Variants in SLC24A2 observed in about 807,000 individuals in gnomAD.
SLC24A2 encodes the protein solute carrier family 24 member 2.
SLC24A2 carries 36 observed loss-of-function variants against 62.0 expected under a neutral mutation model. The observed-to-expected ratio is 0.58, with a 90% CI of 0.44 to 0.77. The LOEUF is 0.77. Among genes scored for constraint, SLC24A2 ranks in the 30% least tolerant of loss-of-function variants. SLC24A2 has a pLI of 0.00. For missense variants in SLC24A2, 846 were observed against 817.9 expected (o/e 1.03, Z -0.42); for synonymous variants, 358 against 294.0 (o/e 1.22, Z -2.23).
the SLC24A2 span, among the ~76,000 whole-genome samples, chr9:20,242,090 G>A: frequency 6.6e-6 from 1 of 152,132 alleles, no homozygotes; most frequent in Non-Finnish European, 1.5e-5. Flanking sequence ...AGCAGGTGCT[G>A]GCCCAATATT....
chr9:20,219,122 A>T, the SLC24A2 span, among the ~76,000 whole-genome samples: 1 of 152,204 alleles, frequency 6.6e-6, no homozygotes, highest in Non-Finnish European at 1.5e-5. Flanking sequence ...GAGTTACTCA[A>T]TGGAGTTGGG....
At chr9:19,531,018 A>G (rs917127722) in intron 8 of SLC24A2, among the ~76,000 whole-genome samples, 32 of 152,188 alleles carry the variant, frequency 2.1e-4, no homozygotes, top group African/African-American at 6.3e-4. Context: ...GATCATGATC[A>G]TCATACCAGG....
chr9:19,521,126 A>G, intron 9 of SLC24A2, 66 bp from the exon 10 acceptor site: 1 of 1,456,294 alleles, frequency 6.9e-7, no homozygotes, highest in East Asian at 2.3e-5. Context: ...AATCACAAAA[A>G]TTTCAATGCG....
the SLC24A2 span, among the ~76,000 whole-genome samples, chr9:20,096,081 ATCCATCCGTCCGTCCG>A: frequency 1.0e-4 from 14 of 139,712 alleles, no homozygotes; most frequent in Admixed American, 4.1e-4. Flanking sequence ...CCATCCATCC[ATCCATCCGTCCGTCCG>A]TCCGTCCGTC....
intron 2 of SLC24A2, among the ~76,000 whole-genome samples, chr9:19,645,745 T>A (rs952147048): frequency 3.3e-5 from 5 of 152,228 alleles, no homozygotes; most frequent in Non-Finnish European, 1.5e-5. Context: ...ATATTGATTC[T>A]GCAAGAAAGA....
the SLC24A2 span, among the ~76,000 whole-genome samples, chr9:20,059,853 C>T: frequency 4.5e-4 from 68 of 151,984 alleles, no homozygotes; most frequent in African/African-American, 1.4e-3. Context: ...AGAAAATCAA[C>T]GAAACCAAAA....
Position 19,636,304 on chromosome 9 carries a change from CTTTTCTTTTCTTTT to C in SLC24A2, c.931-14019_931-14006del, listed in dbSNP as rs1564009548. ...TTCTTCTCTTCTTTTCTTTTCTTTTCTTTTCTTTTCTTTTCTTTCTTTCTTTCTTTCTTTCTTTC... is the reference window on the plus strand; with the variant it reads ...TTCTTCTCTTCTTTTCTTTTCTTTTCCTTTCTTTCTTTCTTTCTTTCTTTC... On this transcript the variant is annotated intron_variant, in intron 2 of 10. Transcript: ENST00000341998. 2.4e-3 allele frequency among the ~76,000 whole-genome samples: 101 copies of C among 42,506 alleles called. 8 individuals are homozygous for C. Among genetic ancestry groups the C allele is most frequent in the Non-Finnish European group, 3.7e-3 (82 of 22,092 alleles). The allele number at this position is 42,506 out of a possible 152,430, so 27.9% of individuals were successfully genotyped here.
chr9:20,158,052 T>C, the SLC24A2 span, among the ~76,000 whole-genome samples: 120,579 of 151,606 alleles, frequency 0.8, 49,366 homozygotes, highest in Non-Finnish European at 0.91. Context: ...CAAAATAAAT[T>C]AATATTCTTA....
intron 2 of SLC24A2, among the ~76,000 whole-genome samples, chr9:19,641,025 G>A (rs1028200793): frequency 5.9e-5 from 9 of 152,146 alleles, no homozygotes; most frequent in Admixed American, 2.0e-4. Context: ...GTAGTTTGGC[G>A]GGAGATCTAA....
chr9:20,280,150 C>A, the SLC24A2 span, among the ~76,000 whole-genome samples: 4 of 152,112 alleles, frequency 2.6e-5, no homozygotes, highest in South Asian at 8.3e-4. Flanking sequence ...GGGGAGTGGG[C>A]TTGGGAGAAA....
the SLC24A2 span, among the ~76,000 whole-genome samples, chr9:20,212,508 G>C: frequency 6.6e-6 from 1 of 151,542 alleles, no homozygotes; most frequent in African/African-American, 2.4e-5. Flanking sequence ...AAAATTAGCA[G>C]GGCGTGGTGG....
chr9:20,270,470 C>T, the SLC24A2 span, among the ~76,000 whole-genome samples: 1 of 152,190 alleles, frequency 6.6e-6, no homozygotes, highest in Non-Finnish European at 1.5e-5. Context: ...TTCCTCCCTT[C>T]TCTTTGCAAC....
At chr9:20,113,831 G>A in the SLC24A2 span, among the ~76,000 whole-genome samples, 2 of 152,136 alleles carry the variant, frequency 1.3e-5, no homozygotes, top group Non-Finnish European at 2.9e-5. Flanking sequence ...TCAAGATGGA[G>A]TAACTGCATT....
the SLC24A2 span, among the ~76,000 whole-genome samples, chr9:19,975,700 T>A: frequency 1.3e-5 from 2 of 152,216 alleles, no homozygotes; most frequent in South Asian, 4.1e-4. Context: ...CTAAATCTGG[T>A]TCCAACTTTT....
At chr9:19,991,035 CACATACATACAT>C in the SLC24A2 span, among the ~76,000 whole-genome samples, 503 of 147,004 alleles carry the variant, frequency 3.4e-3, 2 homozygotes, top group African/African-American at 9.8e-3. Context: ...CATATATACA[CACATACATACAT>C]ACATACATAC....
the SLC24A2 span, among the ~76,000 whole-genome samples, chr9:20,141,025 G>T: frequency 1.1e-4 from 17 of 152,112 alleles, no homozygotes; most frequent in East Asian, 9.7e-4. Context: ...CTCCTCCTCA[G>T]AAGATTTCTG....
At chr9:19,759,829 G>A (rs149077520) in intron 2 of SLC24A2, among the ~76,000 whole-genome samples, 12 of 152,226 alleles carry the variant, frequency 7.9e-5, no homozygotes, top group Non-Finnish European at 1.2e-4. Flanking sequence ...TAGGGCTCCT[G>A]AGAAAGTGAG....
intron 7 of SLC24A2, among the ~76,000 whole-genome samples, chr9:19,551,030 G>C (rs1046403843): frequency 2.0e-5 from 3 of 152,100 alleles, no homozygotes; most frequent in African/African-American, 7.2e-5. Context: ...GTTGTTGCTA[G>C]CTACGGTCAC....
At chr9:19,928,719 A>T in the SLC24A2 span, 5 of 152,206 alleles carry the variant, frequency 3.3e-5, no homozygotes, top group East Asian at 5.8e-4. Flanking sequence ...ACTGATTCAC[A>T]TTTTACCAGT....
Sources: allele counts gnomAD v4.1 joint callset (sites outside exome capture counted in the v4.1 genomes callset), GRCh38; gene constraint gnomAD v4.1.1; transcripts MANE v1.5; gene names NCBI Gene and HGNC (gene_info 2026-07-23, HGNC 2026-07-21).